The following ZNF729 variants were observed in gnomAD, a reference collection of about 807,000 sequenced individuals.
ZNF729 encodes the protein zinc finger protein 729.
ZNF729 carries 15 observed loss-of-function variants against 12.2 expected under a neutral mutation model. That is an observed-to-expected ratio of 1.23 (90% CI 0.82 to 1.89). The LOEUF (loss-of-function observed/expected upper bound fraction) is 1.89, where lower values mean the gene tolerates loss of function less well. Ranked by LOEUF, ZNF729 falls within the 40% of genes most tolerant of loss-of-function variation. The pLI is 0.00. For missense variants in ZNF729, 1,540 were observed against 1,456.7 expected (o/e 1.06, Z -0.93); for synonymous variants, 492 against 476.3 (o/e 1.03, Z -0.43).
chr19:22,303,448 C>CTTGTATGA (rs1249053126), intron 1 of ZNF729, among the ~76,000 whole-genome samples: 3 of 152,188 alleles, frequency 2.0e-5, no homozygotes, highest in African/African-American at 7.2e-5. Flanking sequence ...AAGACTTATT[C>CTTGTATGA]TGTATGATGT....
intron 1 of ZNF729, among the ~76,000 whole-genome samples, chr19:22,293,494 A>ATTTTTTTTTT (rs56180581): frequency 0.36 from 33,768 of 94,084 alleles, 7,699 homozygotes; most frequent in Non-Finnish European, 0.45. Context: ...CCTTTTGTCT[A>ATTTTTTTTTT]TTTTTTTTTT....
In ZNF729 at chr19:22,315,301, C is replaced by T; in HGVS notation, c.1884C>T (p.Tyr628=). The stretch of plus-strand genomic sequence containing the variant: ...TAATTCATACTGGGAAGAAACCGTA[C>T]AAATGTGAAGAATGTGGCAAAGCTT... The part of the protein sequence containing the change: ...HKIIHTGKKP[Y]KCEECGKAFR... Residue 628 remains tyrosine, a synonymous_variant, in exon 4 of 4, where the codon TAC becomes TAT. Coordinates refer to ENST00000601693, the MANE Select transcript of ZNF729 (RefSeq NM_001242680.2). 1 of 1,613,336 alleles carries T rather than the reference C, an allele frequency of 6.2e-7. No homozygotes were observed. Among genetic ancestry groups the T allele is most frequent in the Non-Finnish European group, 8.5e-7 (1 of 1,179,724 alleles).
rs190318819 is a variant in ZNF729 at position 22,287,452 on chromosome 19, G to A, written c.30+897G>A. ...GGGCTAATTTTGTATTTTTAGTAGA[G>A]ACGGGGGTTTCTCCATTTTGGTCAG... On this transcript the variant is annotated intron_variant, in intron 1 of 3. Transcript: ENST00000601693. 3.3e-5 allele frequency among the ~76,000 whole-genome samples: 5 copies of A among 151,972 alleles called. No homozygotes were observed. In the East Asian group the frequency reaches 7.8e-4, roughly 24 times the overall value.
Position 22,286,465 on chromosome 19 carries a change from G to A in ZNF729, c.-61G>A. On this transcript the variant is annotated 5_prime_UTR_variant, in exon 1 of 4. Coordinates refer to ENST00000601693, the MANE Select transcript of ZNF729 (RefSeq NM_001242680.2). ...CGCAGTTCCCGGTCTCGCCTTCACT[G>A]CTGTGTGTCCTCAGCCTCTGTGGCC... is the stretch of plus-strand genomic sequence containing the variant. 1.2e-6 allele frequency: 2 copies of A among 1,607,428 alleles called. No individual in the cohort carries two copies. Among genetic ancestry groups the A allele is most frequent in the African/African-American group, 1.3e-5 (1 of 74,454 alleles).
chr19:22,316,309 C>T lies in ZNF729; in HGVS notation c.2892C>T (p.Tyr964=), dbSNP rs765038767. The T allele has an allele frequency of 6.2e-6, 10 of 1,613,466 alleles. No individual in the cohort carries two copies. In the South Asian group the frequency reaches 1.1e-4, roughly 18 times the overall value. Reference sequence around the variant, plus strand: ...TAATTCATACTGGGAAGAAACCATACAAATGTGCAGAATGTGGCAAAGCTT... The same window carrying T: ...TAATTCATACTGGGAAGAAACCATATAAATGTGCAGAATGTGGCAAAGCTT... ...HKIIHTGKKP[Y]KCAECGKAFK... The change falls in exon 4 of 4, where the codon TAC becomes TAT. Residue 964 remains tyrosine, a synonymous_variant. Transcript: ENST00000601693.
chr19:22,288,805 G>A (rs74583609), intron 1 of ZNF729, among the ~76,000 whole-genome samples: 1 of 151,564 alleles, frequency 6.6e-6, no homozygotes, highest in Non-Finnish European at 1.5e-5. Flanking sequence ...AATAGGGAAA[G>A]AAATATAATG....
At chr19:22,308,490 G>A (rs1472153112) in intron 3 of ZNF729, among the ~76,000 whole-genome samples, 1 of 152,068 alleles carries the variant, frequency 6.6e-6, no homozygotes, top group Non-Finnish European at 1.5e-5. Flanking sequence ...TCCATCAGCA[G>A]TGTAGAAGTG....
Position 22,295,038 on chromosome 19 carries a change from T to G in ZNF729, c.30+8483T>G, listed in dbSNP as rs73025961. Among the ~76,000 whole-genome samples the G allele has an allele frequency of 2.1e-3, 299 of 144,112 alleles. 1 individual carries two copies. Among genetic ancestry groups the G allele is most frequent in the South Asian group, 5.8e-3 (26 of 4,488 alleles). The allele number at this position is 144,112 out of a possible 152,430, so 94.5% of individuals were successfully genotyped here. ...TCTGGTTAGGTGTACTCCTAGATATTTGTGTGTGTGTGTGTGTGTGTGTGT... is the reference window on the plus strand; with the variant it reads ...TCTGGTTAGGTGTACTCCTAGATATGTGTGTGTGTGTGTGTGTGTGTGTGT... On this transcript the variant is annotated intron_variant, in intron 1 of 3. Transcript: ENST00000601693.
At chr19:22,300,929 C>G (rs1968296646) in intron 1 of ZNF729, among the ~76,000 whole-genome samples, 1 of 152,184 alleles carries the variant, frequency 6.6e-6, no homozygotes, top group Non-Finnish European at 1.5e-5. Flanking sequence ...GAATCCAGGT[C>G]TTCAGATTTG....
In ZNF729 at chr19:22,314,891, G is replaced by C; in HGVS notation, c.1474G>C (p.Glu492Gln). 2 of 1,613,462 alleles carry C rather than the reference G, an allele frequency of 1.2e-6. No individual in the cohort carries two copies. The highest frequency in any genetic ancestry group is 1.7e-6 in the Non-Finnish European group (2 of 1,179,874). ...TGGAGAGAAACCCTACAAATGTGAA[G>C]AATGTGGCAAAGCTTTTAACCATTT... ...HTGEKPYKCE[E>Q]CGKAFNHFSD... The change falls in exon 4 of 4, where the codon GAA becomes CAA. Residue 492 changes from glutamate (E) to glutamine (Q), a missense_variant. Transcript: ENST00000601693.
rs1257688543 is a variant in ZNF729 at position 22,314,194 on chromosome 19, T to C, written c.777T>C (p.Thr259=). 9.4e-6 allele frequency: 15 copies of C among 1,595,578 alleles called. No homozygotes were observed. Among genetic ancestry groups the C allele is most frequent in the Non-Finnish European group, 1.3e-5 (15 of 1,171,478 alleles). The part of the protein sequence containing the change: ...STFTKHKRIH[T]GETPFRCEEC... Reference sequence around the variant, plus strand: ...TCACTAAACATAAGAGAATTCATACTGGAGAGACACCTTTCAGATGTGAAG... The same window carrying C: ...TCACTAAACATAAGAGAATTCATACCGGAGAGACACCTTTCAGATGTGAAG... Residue 259 remains threonine (T), a synonymous_variant, in exon 4 of 4, where the codon ACT becomes ACC. Coordinates refer to ENST00000601693, the MANE Select transcript of ZNF729 (RefSeq NM_001242680.2).
chr19:22,301,734 G>GT (rs1968307997), intron 1 of ZNF729, among the ~76,000 whole-genome samples: 1 of 152,306 alleles, frequency 6.6e-6, no homozygotes, highest in South Asian at 2.1e-4. Context: ...GACAGAATCT[G>GT]TAAGTATAAA....
In ZNF729 at chr19:22,316,943, A is replaced by G; in HGVS notation, c.3526A>G (p.Thr1176Ala). 4.3e-6 allele frequency: 7 copies of G among 1,613,224 alleles called. No homozygotes were observed. Among genetic ancestry groups the G allele is most frequent in the Non-Finnish European group, 5.9e-6 (7 of 1,179,998 alleles). ...GKAFNQSSHL[T>A]RHKTIHTGEK... is the part of the protein sequence containing the mutation. ...AGCCTTTAACCAGTCCTCACACCTT[A>G]CTAGACACAAAACAATTCATACTGG... The change falls in exon 4 of 4, where the codon ACT (threonine) becomes GCT (alanine). Residue 1176 changes from threonine (T) to alanine (A), a missense_variant. Thr to Ala is a moderately conservative substitution (Grantham distance 58). Coordinates refer to ENST00000601693, the MANE Select transcript of ZNF729 (RefSeq NM_001242680.2).
At chr19:22,312,245 C>CT (rs1456301958) in intron 3 of ZNF729, among the ~76,000 whole-genome samples, 2 of 152,088 alleles carry the variant, frequency 1.3e-5, no homozygotes, top group South Asian at 2.1e-4. Flanking sequence ...AAATTTTATA[C>CT]TTTTTTTGAT....
chr19:22,296,174 A>G (rs1023021731), intron 1 of ZNF729, among the ~76,000 whole-genome samples: 1 of 152,142 alleles, frequency 6.6e-6, no homozygotes, highest in African/African-American at 2.4e-5. Context: ...CTTCTTCTCA[A>G]TTTTGGAATA....
chr19:22,317,112 T>C lies in ZNF729; in HGVS notation c.3695T>C (p.Leu1232Pro), dbSNP rs554294107. 1,409 of 1,597,486 alleles carry C rather than the reference T, an allele frequency of 8.8e-4. 3 individuals carry two copies. The highest frequency in any genetic ancestry group is 1.1e-3 in the Non-Finnish European group (1,315 of 1,173,184). ...PKLLSNPHTL[L>P]DKTIHTGEKP... ...CTTTTAAGCAATCCTCACACCTTACTAGACAAAACAATTCATACTGGAGAG... is the reference window on the plus strand; with the variant it reads ...CTTTTAAGCAATCCTCACACCTTACCAGACAAAACAATTCATACTGGAGAG... Residue 1232 changes from leucine to proline, a missense_variant, in exon 4 of 4, where the codon CTA becomes CCA. Physicochemically the swap from Leu to Pro is moderately conservative, Grantham distance 98 (BLOSUM62 -3). Transcript: ENST00000601693.
chr19:22,286,620 C>G, intron 1 of ZNF729, 65 bp downstream of exon 1: 1 of 1,604,862 alleles, frequency 6.2e-7, no homozygotes, highest in Middle Eastern at 1.7e-4. Context: ...TGGGAAGTGG[C>G]TGTGGCGGGA....
chr19:22,312,107 G>T (rs1023818075), intron 3 of ZNF729, among the ~76,000 whole-genome samples: 1 of 151,890 alleles, frequency 6.6e-6, no homozygotes, highest in African/African-American at 2.4e-5. Flanking sequence ...AGGGGAAGAG[G>T]TATCCTCATT....
chr19:22,287,547 G>T (rs1968095945), intron 1 of ZNF729, among the ~76,000 whole-genome samples: 2 of 152,122 alleles, frequency 1.3e-5, no homozygotes, highest in African/African-American at 4.8e-5. Flanking sequence ...GTTTACAGGT[G>T]TGAGCCGCTG....
Sources: allele counts gnomAD v4.1 joint callset (sites outside exome capture counted in the v4.1 genomes callset), GRCh38; gene constraint gnomAD v4.1.1; transcripts MANE v1.5; gene names NCBI Gene and HGNC (gene_info 2026-07-23, HGNC 2026-07-21).